The following DAZAP1 variants were observed in gnomAD, a reference collection of about 807,000 sequenced individuals.
DAZAP1 encodes the protein DAZ associated protein 1.
A neutral mutation model predicts 60.1 loss-of-function variants in DAZAP1; 6 were observed. The observed-to-expected ratio is 0.10, with a 90% CI of 0.05 to 0.20. DAZAP1 has a LOEUF of 0.20. Ranked by LOEUF, DAZAP1 falls within the 10% of genes least tolerant of loss-of-function variation. DAZAP1 has a pLI of 1.00. For synonymous variants in DAZAP1, 235 were observed against 215.9 expected, an observed-to-expected ratio of 1.09 and a Z score of -0.78; for missense variants, 366 against 560.4, an observed-to-expected ratio of 0.65 and a Z score of 3.50.
chr19:1,430,181 C>T, intron 9 of DAZAP1, 41 bp from the exon 10 acceptor site: 2 of 1,579,656 alleles, frequency 1.3e-6, no homozygotes, highest in Non-Finnish European at 1.7e-6. Context: ...TCTGTGTTGT[C>T]CAGCGCTCTC....
At chr19:1,417,887 C>T in intron 2 of DAZAP1, among the ~76,000 whole-genome samples, 1 of 151,650 alleles carries the variant, frequency 6.6e-6, no homozygotes, top group East Asian at 1.9e-4. Context: ...GCAAAGTCGG[C>T]GCTCCTTGGC....
At chr19:1,414,354 G>C (rs543588384) in intron 1 of DAZAP1, among the ~76,000 whole-genome samples, 32 of 152,284 alleles carry the variant, frequency 2.1e-4, no homozygotes, top group Middle Eastern at 3.4e-3. Context: ...TTTGAGAGTA[G>C]CTGGAGACCG....
At position 1,422,241 on chromosome 19, in the gene DAZAP1, G is replaced by T; in HGVS notation, c.415-107G>T. 1 of 1,013,222 alleles carries T rather than the reference G, an allele frequency of 9.9e-7. No individual in the cohort carries two copies. The highest frequency in any genetic ancestry group is 1.3e-5 in the South Asian group (1 of 74,836). The allele number at this position is 1,013,222 out of a possible 1,614,324, so 62.8% of individuals were successfully genotyped here. On this transcript the variant is annotated intron_variant, in intron 5 of 11. Coordinates refer to ENST00000233078, the MANE Select transcript of DAZAP1 (RefSeq NM_018959.4). The surrounding 1 kb of genome is among the most constrained non-coding windows in gnomAD (Gnocchi z 4.5). ...CGTGCACCTCCCCCGCTCAGGGAGG[G>T]CGCACCCTGTGCGAGAGTTTGGGTT...
At position 1,418,748 on chromosome 19, in the gene DAZAP1, G is replaced by C. The variant is rs778525757; in HGVS notation, c.303+17G>C. On this transcript the variant is annotated intron_variant, in intron 4 of 11. Coordinates refer to ENST00000233078, the MANE Select transcript of DAZAP1 (RefSeq NM_018959.4). The surrounding 1 kb of genome is among the most constrained non-coding windows in gnomAD (Gnocchi z 5.7). ...GAAGGATGGGTAAGGGGCTGGGCCG[G>C]GCGGCCTCCTTGTGTGTTCTCCACT... 1 of 1,595,258 alleles carries C rather than the reference G, an allele frequency of 6.3e-7. No individual in the cohort carries two copies. The highest frequency in any genetic ancestry group is 1.7e-5 in the Admixed American group (1 of 57,250).
intron 1 of DAZAP1, chr19:1,415,606 G>GCACAGCCTATGGAGAGTGAGC (rs2082959903): frequency 6.6e-6 from 1 of 152,140 alleles, no homozygotes; most frequent in Admixed American, 6.6e-5. Context: ...GGAGAGTGAG[G>GCACAGCCTATGGAGAGTGAGC]CACAGCCTAT....
rs776966811 is a variant in DAZAP1, at chr19:1,430,235, G to A, written c.744G>A (p.Pro248=). The A allele has an allele frequency of 7.6e-6, 12 of 1,570,638 alleles. No individual in the cohort carries two copies. Among genetic ancestry groups the A allele is most frequent in the South Asian group, 7.0e-5 (6 of 85,206 alleles). The change falls in exon 10 of 12, where the codon CCG becomes CCA. Residue 248 remains proline (P), a synonymous_variant. Coordinates refer to ENST00000233078, the MANE Select transcript of DAZAP1 (RefSeq NM_018959.4). ...PAGQAIGGYG[P]PPAGRGAPPP... The stretch of plus-strand genomic sequence containing the variant: ...TGTGTGTTTCAGGTGGCTATGGACC[G>A]CCCCCTGCAGGAAGAGGAGCCCCCC...
rs1006336788 is a variant in DAZAP1, at chr19:1,433,183, G to T, written c.1048+493G>T. The T allele has an allele frequency of 3.2e-5, 6 of 187,688 alleles. No individual in the cohort carries two copies. Among genetic ancestry groups the T allele is most frequent in the Non-Finnish European group, 6.7e-5 (6 of 89,704 alleles). 11.6% of individuals were successfully genotyped at this position (187,688 alleles called of 1,614,324 possible). On this transcript the variant is annotated intron_variant, in intron 11 of 11. Transcript: ENST00000233078. The surrounding 1 kb of genome is among the most constrained non-coding windows in gnomAD (Gnocchi z 6.1). ...TGGATGGCTGTCGTGGCTTGGGTCT[G>T]CCTGGACGTGATCTGCAGGCAGCGC...
chr19:1,422,437 C>A lies in DAZAP1; in HGVS notation c.463+41C>A, dbSNP rs751817344. The A allele has an allele frequency of 6.3e-7, 1 of 1,596,658 alleles. No individual in the cohort carries two copies. The highest frequency in any genetic ancestry group is 1.1e-5 in the South Asian group (1 of 90,562). On this transcript the variant is annotated intron_variant, in intron 6 of 11. Transcript: ENST00000233078. The surrounding 1 kb of genome is among the most constrained non-coding windows in gnomAD (Gnocchi z 4.5). ...GTTTGACCTCGGCCTTCTCCCTGCTCCTCCCTCAGATGGCAAACTATCTCA... is the reference window on the plus strand; with the variant it reads ...GTTTGACCTCGGCCTTCTCCCTGCTACTCCCTCAGATGGCAAACTATCTCA...
rs527618765 is a variant in DAZAP1 at position 1,425,660 on chromosome 19, C to T, written c.464-218C>T. Among the ~76,000 whole-genome samples the T allele has an allele frequency of 4.2e-3, 646 of 152,348 alleles. 2 individuals are homozygous for T. The highest frequency in any genetic ancestry group is 6.9e-3 in the Non-Finnish European group (467 of 68,024). ...TGACTCAGGCCTCAGTCAGCAGAGC[C>T]GTCACCGGGAGTGCGGACGTCACCG... On this transcript the variant is annotated intron_variant, in intron 6 of 11. Transcript: ENST00000233078. The surrounding 1 kb of genome is among the most constrained non-coding windows in gnomAD (Gnocchi z 5.4).
Position 1,421,135 on chromosome 19 carries a change from CCTT to C in DAZAP1, c.304-8_304-6del. 1 of 1,613,072 alleles carries C rather than the reference CCTT, an allele frequency of 6.2e-7. No individual in the cohort carries two copies. Among genetic ancestry groups the C allele is most frequent in the Non-Finnish European group, 8.5e-7 (1 of 1,179,086 alleles). ...TTCCCGTGTGAACTAACTATCCTTCCCTTCTTCAACAGCAGAAAGGACCCAGGA... is the reference window on the plus strand; with the variant it reads ...TTCCCGTGTGAACTAACTATCCTTCCCTTCAACAGCAGAAAGGACCCAGGA... On this transcript the variant is annotated splice_polypyrimidine_tract_variant and intron_variant, in intron 4 of 11. Coordinates refer to ENST00000233078, the MANE Select transcript of DAZAP1 (RefSeq NM_018959.4).
intron 1 of DAZAP1, among the ~76,000 whole-genome samples, chr19:1,411,341 C>G (rs1182342109): frequency 1.3e-5 from 2 of 152,228 alleles, no homozygotes; most frequent in East Asian, 3.8e-4. Context: ...TCAGGAGTAC[C>G]CCCAGTCGTG....
At position 1,433,424 on chromosome 19, in the gene DAZAP1, G is replaced by T. The variant is rs79139068; in HGVS notation, c.1048+734G>T. 3 of 391,578 alleles carry T rather than the reference G, an allele frequency of 7.7e-6. No homozygotes were observed. The highest frequency in any genetic ancestry group is 1.4e-5 in the Non-Finnish European group (3 of 210,642). 24.3% of individuals were successfully genotyped at this position (391,578 alleles called of 1,614,324 possible). Reference sequence around the variant, plus strand: ...GTTTGAGAACATGGGGCACCTGTCTGCAGGTGGCCACGGGCTTCCGGGGTG... The same window carrying T: ...GTTTGAGAACATGGGGCACCTGTCTTCAGGTGGCCACGGGCTTCCGGGGTG... On this transcript the variant is annotated intron_variant, in intron 11 of 11. Transcript: ENST00000233078. The surrounding 1 kb of genome is among the most constrained non-coding windows in gnomAD (Gnocchi z 6.1).
chr19:1,430,894 T>C (rs1215711002), intron 10 of DAZAP1, among the ~76,000 whole-genome samples: 1 of 150,958 alleles, frequency 6.6e-6, no homozygotes, highest in African/African-American at 2.4e-5. Flanking sequence ...CTAATTTTTT[T>C]GTATTTTTAG....
At position 1,428,332 on chromosome 19, in the gene DAZAP1, T is replaced by A. The variant is rs986056285; in HGVS notation, c.547-510T>A. On this transcript the variant is annotated intron_variant, in intron 7 of 11. Coordinates refer to ENST00000233078, the MANE Select transcript of DAZAP1 (RefSeq NM_018959.4). The surrounding 1 kb of genome is among the most constrained non-coding windows in gnomAD (Gnocchi z 4.0). ...CGTTAGCCTGGGGAAGGTAAGTCTT[T>A]ATCTTCCATTAGACATTTTAAATTT... 1 of 152,690 alleles carries A rather than the reference T, an allele frequency of 6.5e-6. No individual in the cohort carries two copies. Among genetic ancestry groups the A allele is most frequent in the Non-Finnish European group, 1.5e-5 (1 of 68,410 alleles). 9.5% of individuals were successfully genotyped at this position (152,690 alleles called of 1,614,324 possible).
chr19:1,426,358 A>C lies in DAZAP1; in HGVS notation c.546+398A>C, dbSNP rs2083305131. 5.2e-6 allele frequency: 1 copy of C among 193,506 alleles called. No homozygotes were observed. Among genetic ancestry groups the C allele is most frequent in the African/African-American group, 2.3e-5 (1 of 42,648 alleles). 12.0% of individuals were successfully genotyped at this position (193,506 alleles called of 1,614,324 possible). On this transcript the variant is annotated intron_variant, in intron 7 of 11. Coordinates refer to ENST00000233078, the MANE Select transcript of DAZAP1 (RefSeq NM_018959.4). This position sits in a 1 kb window ranked among gnomAD's most constrained non-coding sequence, Gnocchi z 5.4. ...TCTGACACTGACCTGTAATGTGATC[A>C]GCAAGGGACCTTTGAGAGCCGAGGT...
rs2083292729 is a variant in DAZAP1 at position 1,425,766 on chromosome 19, C to T, written c.464-112C>T. 1.2e-6 allele frequency: 1 copy of T among 802,510 alleles called. No individual in the cohort carries two copies. Among genetic ancestry groups the T allele is most frequent in the Admixed American group, 1.8e-5 (1 of 56,046 alleles). 49.7% of individuals were successfully genotyped at this position (802,510 alleles called of 1,614,324 possible). On this transcript the variant is annotated intron_variant, in intron 6 of 11. Transcript: ENST00000233078. The surrounding 1 kb of genome is among the most constrained non-coding windows in gnomAD (Gnocchi z 5.4). ...CCAGGGGCCCGCAGCGCCCCACACACAGCTTAGCTGAAACCCAAGGTCGAT... is the reference window on the plus strand; with the variant it reads ...CCAGGGGCCCGCAGCGCCCCACACATAGCTTAGCTGAAACCCAAGGTCGAT...
At chr19:1,429,342 G>C (rs2083383640) in intron 8 of DAZAP1, among the ~76,000 whole-genome samples, 1 of 152,242 alleles carries the variant, frequency 6.6e-6, no homozygotes, top group African/African-American at 2.4e-5. Flanking sequence ...GCTGAGCTCA[G>C]AATCGGGGTG....
rs1415058367 is a variant in DAZAP1, at chr19:1,425,345, A to C, written c.464-533A>C. 2.0e-5 allele frequency among the ~76,000 whole-genome samples: 3 copies of C among 152,196 alleles called. No homozygotes were observed. The highest frequency in any genetic ancestry group is 7.2e-5 in the African/African-American group (3 of 41,440). ...AGCAAATTGCAAGCCAAGGGGGAGA[A>C]TCCTGGGTTTCAGAGAAGCATACAC... On this transcript the variant is annotated intron_variant, in intron 6 of 11. Coordinates refer to ENST00000233078, the MANE Select transcript of DAZAP1 (RefSeq NM_018959.4). This position sits in a 1 kb window ranked among gnomAD's most constrained non-coding sequence, Gnocchi z 5.4.
In DAZAP1 at chr19:1,433,550, T is replaced by A; in HGVS notation, c.1048+860T>A. 165 of 486,556 alleles carry A rather than the reference T, an allele frequency of 3.4e-4. No homozygotes were observed. Among genetic ancestry groups the A allele is most frequent in the Middle Eastern group, 6.2e-4 (1 of 1,608 alleles). The allele number at this position is 486,556 out of a possible 1,614,324, so 30.1% of individuals were successfully genotyped here. Reference sequence around the variant, plus strand: ...CCACCTCGCATGGCTGTGGTTCCCCTGCCCCCACGCCCAGGCCTTGGGCCG... The same window carrying A: ...CCACCTCGCATGGCTGTGGTTCCCCAGCCCCCACGCCCAGGCCTTGGGCCG... On this transcript the variant is annotated intron_variant, in intron 11 of 11. Transcript: ENST00000233078. The surrounding 1 kb of genome is among the most constrained non-coding windows in gnomAD (Gnocchi z 6.1).
Sources: gnomAD v4.1 joint callset for allele counts (sites outside exome capture counted in the v4.1 genomes callset) on GRCh38, gnomAD v4.1.1 for gene constraint, Gnocchi (gnomAD v3.1) non-coding constraint, MANE v1.5 for transcripts, NCBI Gene and HGNC (gene_info 2026-07-23, HGNC 2026-07-21) for gene names.